SPATA6L: variants seen among roughly 807,000 people sequenced by gnomAD.
The protein encoded by SPATA6L is spermatogenesis associated 6 like.
SPATA6L carries 68 observed loss-of-function variants against 49.2 expected under a neutral mutation model. The ratio of observed to expected loss-of-function variants is 1.38; its 90% CI spans 1.14 to 1.69. The LOEUF is 1.69. Ranked by LOEUF, SPATA6L falls within the 40% of genes most tolerant of loss-of-function variation. The probability of loss-of-function intolerance (pLI) is 0.00; values close to 1 mark genes in which losing one functional copy is unlikely to be tolerated. For missense variants in SPATA6L, 668 were observed against 464.3 expected (o/e 1.44, Z -4.03); for synonymous variants, 198 against 165.7 (o/e 1.19, Z -1.50).
chr9:4,629,056 G>T (rs375855305), intron 5 of SPATA6L, 35 bp downstream of exon 5: 12 of 1,438,832 alleles, frequency 8.3e-6, no homozygotes, highest in Admixed American at 8.0e-5. Context: ...AAAAAAATCC[G>T]GTCATTTCTA....
intron 9 of SPATA6L, among the ~76,000 whole-genome samples, chr9:4,607,712 G>A (rs1433370145): frequency 7.2e-5 from 11 of 152,252 alleles, no homozygotes; most frequent in East Asian, 1.9e-4. Context: ...AAAGACCGTC[G>A]AGACTAGGAA....
intron 3 of SPATA6L, among the ~76,000 whole-genome samples, chr9:4,644,015 C>T (rs990312797): frequency 6.7e-6 from 1 of 149,976 alleles, no homozygotes; most frequent in African/African-American, 2.4e-5. Context: ...TCAAAAAAAT[C>T]AATTTGAAAA....
chr9:4,631,154 T>C (rs1273144386), intron 4 of SPATA6L, among the ~76,000 whole-genome samples: 3 of 152,204 alleles, frequency 2.0e-5, no homozygotes, highest in African/African-American at 7.2e-5. Flanking sequence ...TATTTTCTTT[T>C]TCATACCGTG....
At chr9:4,591,027 G>A (rs1821870277) in intron 13 of SPATA6L, among the ~76,000 whole-genome samples, 1 of 151,994 alleles carries the variant, frequency 6.6e-6, no homozygotes, top group Admixed American at 6.6e-5. Context: ...TGGCTGCAGG[G>A]GAAGGTGTGA....
In SPATA6L at chr9:4,625,316, T is replaced by G; in HGVS notation, c.669+11A>C. Reference sequence around the variant, plus strand: ...ATTGCAAAATGCTCTAAAAAATAATTTTAGGCTCACGTGTCTAACAACAAA... The same window carrying G: ...ATTGCAAAATGCTCTAAAAAATAATGTTAGGCTCACGTGTCTAACAACAAA... On this transcript the variant is annotated intron_variant, in intron 6 of 11. Transcript: ENST00000682582. 1 of 1,606,950 alleles carries G rather than the reference T, an allele frequency of 6.2e-7. No individual in the cohort carries two copies. Among genetic ancestry groups the G allele is most frequent in the Non-Finnish European group, 8.5e-7 (1 of 1,176,864 alleles).
chr9:4,605,956 ACC>A (rs1392387055), intron 9 of SPATA6L, among the ~76,000 whole-genome samples: 1 of 152,118 alleles, frequency 6.6e-6, no homozygotes, highest in East Asian at 1.9e-4. Flanking sequence ...GTGTGCGCGC[ACC>A]GTGCGCGAGC....
chr9:4,644,911 G>A (rs750122124), intron 3 of SPATA6L, among the ~76,000 whole-genome samples: 35 of 152,136 alleles, frequency 2.3e-4, no homozygotes, highest in South Asian at 4.1e-4. Flanking sequence ...CTAGCACAGG[G>A]GTCACAGACT....
intron 9 of SPATA6L, among the ~76,000 whole-genome samples, chr9:4,607,074 C>A (rs866301330): frequency 1.3e-5 from 2 of 150,686 alleles, no homozygotes; most frequent in African/African-American, 2.5e-5. Flanking sequence ...TGAAATGAAG[C>A]GAGAAGGGAA....
At chr9:4,592,498 C>T (rs552293979) in intron 13 of SPATA6L, among the ~76,000 whole-genome samples, 1 of 152,114 alleles carries the variant, frequency 6.6e-6, no homozygotes, top group African/African-American at 2.4e-5. Context: ...GAAACTAGCA[C>T]AAAACATTAA....
At chr9:4,597,694 T>C (rs1395362416), downstream of SPATA6L, among the ~76,000 whole-genome samples, 1 of 152,188 alleles carries the variant, frequency 6.6e-6, no homozygotes, top group Admixed American at 6.5e-5. Flanking sequence ...GGGGCTCTCA[T>C]CACTGTTGGC....
chr9:4,589,982 G>T (rs562111122), intron 13 of SPATA6L, among the ~76,000 whole-genome samples: 1 of 152,284 alleles, frequency 6.6e-6, no homozygotes, highest in East Asian at 1.9e-4. Context: ...GGAGTGCAGT[G>T]GCGCGATCTT....
chr9:4,635,808 T>C (rs1028267097), intron 3 of SPATA6L, among the ~76,000 whole-genome samples: 1 of 152,214 alleles, frequency 6.6e-6, no homozygotes, highest in Non-Finnish European at 1.5e-5. Flanking sequence ...TGTTCTGTGA[T>C]GCATGGATGC....
intron 3 of SPATA6L, among the ~76,000 whole-genome samples, chr9:4,642,549 C>A (rs1834261426): frequency 1.3e-5 from 2 of 152,212 alleles, no homozygotes; most frequent in Admixed American, 1.3e-4. Context: ...GAACTACAGA[C>A]TCCTGGGTTC....
chr9:4,666,231 A>T lies in SPATA6L; in HGVS notation c.20T>A (p.Val7Glu), dbSNP rs1218177815. The change falls in exon 1 of 12, where the codon GTG becomes GAG. Residue 7 changes from valine (V) to glutamate (E), a missense_variant. Val to Glu is a moderately radical substitution (Grantham distance 121, BLOSUM62 -2). Transcript: ENST00000682582. The part of the protein sequence containing the change: MPLEVV[V>E]ELQIRAISCP... ...TCTTACCGCCCGGATCTGCAGCTCC[A>T]CCACCACCTCCAGAGGCATCGTTCC... 2 of 1,614,056 alleles carry T rather than the reference A, an allele frequency of 1.2e-6. No homozygotes were observed. Among genetic ancestry groups the T allele is most frequent in the East Asian group, 4.5e-5 (2 of 44,878 alleles).
intron 2 of SPATA6L, among the ~76,000 whole-genome samples, chr9:4,660,001 T>C (rs372258521): frequency 2.0e-5 from 3 of 152,180 alleles, no homozygotes; most frequent in Non-Finnish European, 4.4e-5. Flanking sequence ...AACTGGATCC[T>C]TTCCTTACAC....
rs916412281 is a variant in SPATA6L, at chr9:4,662,219, A to C, written c.40-183T>G. ...CTGCTCTCCTCACATTGGAAATTCC[A>C]ACTCCCTCCCACGTCTCCACCAGGT... On this transcript the variant is annotated intron_variant, in intron 1 of 11. Transcript: ENST00000682582. The surrounding 1 kb of genome is among the most constrained non-coding windows in gnomAD (Gnocchi z 4.9). 6 of 1,433,848 alleles carry C rather than the reference A, an allele frequency of 4.2e-6. No homozygotes were observed. The highest frequency in any genetic ancestry group is 1.4e-5 in the African/African-American group (1 of 69,402). 88.8% of individuals were successfully genotyped at this position (1,433,848 alleles called of 1,614,324 possible).
chr9:4,635,201 C>T, intron 4 of SPATA6L, 74 bp downstream of exon 4: 1 of 1,423,440 alleles, frequency 7.0e-7, no homozygotes, highest in Non-Finnish European at 9.2e-7. Flanking sequence ...AGATCAAACC[C>T]TGTCAGGAAT....
chr9:4,646,471 T>A, intron 3 of SPATA6L: 1 of 1,506,068 alleles, frequency 6.6e-7, no homozygotes, highest in Non-Finnish European at 8.9e-7. Flanking sequence ...TAGAAACGGA[T>A]TTACTGCCAC....
intron 11 of SPATA6L, 135 bp downstream of exon 11, chr9:4,604,044 G>A (rs1208401565): frequency 6.8e-6 from 4 of 588,596 alleles, no homozygotes; most frequent in Non-Finnish European, 1.2e-5. Flanking sequence ...GAAGAACGCA[G>A]TTCTCAGGTC....
Sources: gnomAD v4.1 joint callset for allele counts (sites outside exome capture counted in the v4.1 genomes callset) on GRCh38, gnomAD v4.1.1 for gene constraint, Gnocchi (gnomAD v3.1) non-coding constraint, MANE v1.5 for transcripts, NCBI Gene and HGNC (gene_info 2026-07-23, HGNC 2026-07-21) for gene names.